TMEM268: variants seen among roughly 807,000 people sequenced by gnomAD.
TMEM268 encodes the protein transmembrane protein 268, also known as transmembrane protein C9orf91.
Under a neutral mutation model 39.1 loss-of-function variants are expected in TMEM268, and 24 were observed. The ratio of observed to expected loss-of-function variants is 0.61; its 90% confidence interval spans 0.44 to 0.86. The LOEUF is 0.86. Among genes scored for constraint, TMEM268 ranks in the 40% least tolerant of loss-of-function variants. The probability of loss-of-function intolerance (pLI) is 0.00; values close to 1 mark genes in which losing one functional copy is unlikely to be tolerated. For synonymous variants in TMEM268, 176 were observed against 173.5 expected (o/e 1.01, Z -0.12); for missense variants, 409 against 428.6 (o/e 0.95, Z 0.40).
At chr9:114,617,489 A>G (rs1358083804) in intron 2 of TMEM268, among the ~76,000 whole-genome samples, 188 bp downstream of exon 2, 1 of 152,200 alleles carries the variant, frequency 6.6e-6, no homozygotes, top group African/African-American at 2.4e-5. Context: ...CCCCTGCTGT[A>G]GCTTGCTTGT....
Position 114,628,139 on chromosome 9 carries a change from C to T in TMEM268, c.363C>T (p.Thr121=). 6.2e-7 allele frequency: 1 copy of T among 1,614,146 alleles called. No individual in the cohort carries two copies. Among genetic ancestry groups the T allele is most frequent in the Non-Finnish European group, 8.5e-7 (1 of 1,180,036 alleles). Residue 121 remains threonine (T), a synonymous_variant, in exon 5 of 9, where the codon ACC becomes ACT. Transcript: ENST00000288502. The part of the protein sequence containing the change: ...YVVVWANIYS[T]SQMFALGNHW... ...TGGTGTGGGCCAATATCTACTCTAC[C>T]AGTCAGATGTTTGCCTTGGGGAACC...
chr9:114,625,774 G>A (rs1351755492), intron 3 of TMEM268, among the ~76,000 whole-genome samples: 1 of 150,984 alleles, frequency 6.6e-6, no homozygotes, highest in Non-Finnish European at 1.5e-5. Flanking sequence ...AACAGTTTAC[G>A]TATTGTTCTA....
upstream of TMEM268, among the ~76,000 whole-genome samples, chr9:114,607,408 C>T (rs1300108953): frequency 6.6e-6 from 1 of 152,118 alleles, no homozygotes. Flanking sequence ...GTAATCCCAG[C>T]ACTTTGGGAG....
chr9:114,614,072 C>A (rs1344115339), intron 1 of TMEM268, among the ~76,000 whole-genome samples: 1 of 152,278 alleles, frequency 6.6e-6, no homozygotes, highest in Non-Finnish European at 1.5e-5. Flanking sequence ...GGAGGTAGAC[C>A]TCTCTATCCC....
At chr9:114,604,224 TAG>T in the TMEM268 span, among the ~76,000 whole-genome samples, 2 of 152,150 alleles carry the variant, frequency 1.3e-5, no homozygotes, top group African/African-American at 4.8e-5. Flanking sequence ...TCCCAAATTG[TAG>T]AGTGATGCTC....
chr9:114,610,273 A>T (rs1303481243), upstream of TMEM268, among the ~76,000 whole-genome samples: 2 of 152,170 alleles, frequency 1.3e-5, no homozygotes, highest in African/African-American at 4.8e-5. Flanking sequence ...TCCCGACCTC[A>T]GGTAATCCTC....
chr9:114,632,440 C>G (rs1337457086), intron 5 of TMEM268, among the ~76,000 whole-genome samples: 2 of 152,196 alleles, frequency 1.3e-5, no homozygotes, highest in Non-Finnish European at 2.9e-5. Flanking sequence ...TCAGGCTGCT[C>G]TCTTCTAACT....
chr9:114,606,471 C>G (rs1201932542), upstream of TMEM268, among the ~76,000 whole-genome samples: 2 of 152,206 alleles, frequency 1.3e-5, no homozygotes, highest in Admixed American at 6.5e-5. Context: ...GAGCTGAAAT[C>G]AATGTAATGG....
At chr9:114,605,731 G>T in the TMEM268 span, among the ~76,000 whole-genome samples, 1 of 151,974 alleles carries the variant, frequency 6.6e-6, no homozygotes, top group Non-Finnish European at 1.5e-5. Context: ...TGCCAGACTG[G>T]GCAACAGGGG....
intron 1 of TMEM268, among the ~76,000 whole-genome samples, chr9:114,612,470 G>A (rs1486678763): frequency 6.6e-6 from 1 of 152,144 alleles, no homozygotes; most frequent in Non-Finnish European, 1.5e-5. Context: ...TGTTATCCTC[G>A]GGCTGGTGCA....
intron 6 of TMEM268, among the ~76,000 whole-genome samples, chr9:114,636,505 C>CTTTTCTTTTCT (rs5900104): frequency 1.0e-3 from 147 of 143,254 alleles, no homozygotes; most frequent in African/African-American, 3.4e-3. Context: ...CTTTTCTTTT[C>CTTTTCTTTTCT]TTTCTTTTCT....
At chr9:114,618,789 C>A (rs957729345) in intron 2 of TMEM268, among the ~76,000 whole-genome samples, 1 of 152,208 alleles carries the variant, frequency 6.6e-6, no homozygotes, top group Admixed American at 6.5e-5. Flanking sequence ...CTGTTTCTCC[C>A]TCTAGCATTT....
chr9:114,617,882 T>A (rs1053632603), intron 2 of TMEM268, among the ~76,000 whole-genome samples: 19 of 151,982 alleles, frequency 1.3e-4, no homozygotes, highest in East Asian at 5.8e-4. Context: ...ATTTTTTATT[T>A]TTTTTATTTT....
chr9:114,634,922 T>C (rs1289525855), intron 6 of TMEM268, among the ~76,000 whole-genome samples: 2 of 152,206 alleles, frequency 1.3e-5, no homozygotes, highest in Non-Finnish European at 2.9e-5. Flanking sequence ...AAGTGTGACA[T>C]TGTAGACTGG....
At chr9:114,624,626 G>A (rs1173963712) in intron 3 of TMEM268, among the ~76,000 whole-genome samples, 167 bp downstream of exon 3, 3 of 152,186 alleles carry the variant, frequency 2.0e-5, no homozygotes, top group Non-Finnish European at 4.4e-5. Context: ...TCTCTTCCCG[G>A]TTAACTCACT....
At chr9:114,633,659 G>A in intron 5 of TMEM268, 109 bp from the exon 6 acceptor site, 1 of 559,944 alleles carries the variant, frequency 1.8e-6, no homozygotes, top group Middle Eastern at 5.0e-4. Context: ...TGAGGGTGGG[G>A]ATTGTCCCTT....
Position 114,637,087 on chromosome 9 carries a change from GA to G in TMEM268, c.666+23del. 1.3e-6 allele frequency: 2 copies of G among 1,558,916 alleles called. No individual in the cohort carries two copies. Among genetic ancestry groups the G allele is most frequent in the African/African-American group, 1.4e-5 (1 of 74,012 alleles). On this transcript the variant is annotated intron_variant, in intron 7 of 8. Coordinates refer to ENST00000288502, the MANE Select transcript of TMEM268 (RefSeq NM_153045.4). ...AGCCAAGAGGTAAGATATCTTCAGTGAAAAAACAAAACAAAAACCAGGAGGC... is the reference window on the plus strand; with the variant it reads ...AGCCAAGAGGTAAGATATCTTCAGTGAAAAACAAAACAAAAACCAGGAGGC...
Position 114,617,166 on chromosome 9 carries a change from A to G in TMEM268, c.-30A>G. The G allele has an allele frequency of 7.0e-7, 1 of 1,431,522 alleles. No homozygotes were observed. Among genetic ancestry groups the G allele is most frequent in the Non-Finnish European group, 9.7e-7 (1 of 1,030,436 alleles). The allele number at this position is 1,431,522 out of a possible 1,614,324, so 88.7% of individuals were successfully genotyped here. Reference sequence around the variant, plus strand: ...TCCAGAATGAACCACAGCTCTGAGAAGGGGAAGTAGAAACAGCTGGCGCCC... The same window carrying G: ...TCCAGAATGAACCACAGCTCTGAGAGGGGGAAGTAGAAACAGCTGGCGCCC... On this transcript the variant is annotated 5_prime_UTR_variant, in exon 2 of 9. Coordinates refer to ENST00000288502, the MANE Select transcript of TMEM268 (RefSeq NM_153045.4).
At chr9:114,641,443 G>A (rs1472751490) in intron 8 of TMEM268, among the ~76,000 whole-genome samples, 1 of 152,158 alleles carries the variant, frequency 6.6e-6, no homozygotes, top group Non-Finnish European at 1.5e-5. Context: ...TCAACCCCAT[G>A]CTTAAGGAAG....
Sources: allele counts gnomAD v4.1 joint callset (sites outside exome capture counted in the v4.1 genomes callset), GRCh38; gene constraint gnomAD v4.1.1; transcripts MANE v1.5; gene names NCBI Gene and HGNC (gene_info 2026-07-23, HGNC 2026-07-21).